Variants in PLCB4 observed in about 807,000 individuals in gnomAD.
PLCB4 encodes the protein 1-phosphatidylinositol 4,5-bisphosphate phosphodiesterase beta-4.
PLCB4 carries 77 observed loss-of-function variants against 178.8 expected under a neutral mutation model. The observed-to-expected ratio is 0.43, with a 90% CI of 0.36 to 0.52. PLCB4 has a LOEUF of 0.52. Ranked by LOEUF, PLCB4 falls within the 20% of genes least tolerant of loss-of-function variation. PLCB4 has a pLI of 0.00. For synonymous variants in PLCB4, 496 were observed against 490.8 expected (o/e 1.01, Z -0.14); for missense variants, 1,024 against 1,453.4 (o/e 0.70, Z 4.80).
rs199843016 is a variant in PLCB4, at chr20:9,405,331, C to A, written c.1630C>A (p.His544Asn). 3.0e-4 allele frequency: 466 copies of A among 1,546,430 alleles called. No individual in the cohort carries two copies. Among genetic ancestry groups the A allele is most frequent in the Non-Finnish European group, 3.9e-4 (440 of 1,137,518 alleles). The change falls in exon 21 of 40, where the codon CAT becomes AAT. Residue 544 changes from histidine to asparagine, a missense_variant. Around this residue, in one of 7 missense-constraint regions of PLCB4, gnomAD observed 263 missense variants for 417.4 expected, o/e 0.63. Coordinates refer to ENST00000378473, the MANE Select transcript of PLCB4 (RefSeq NM_001377142.1). ...TAATTAGGCTTCAGATGACCTTGAA[C>A]ATGAAAACAACAAAAAGGTAACAAA... ...SVKKASDDLE[H>N]ENNKKGLVTV...
intron 20 of PLCB4, 115 bp downstream of exon 20, chr20:9,401,705 G>T (rs2039041904): frequency 5.8e-6 from 4 of 693,000 alleles, no homozygotes; most frequent in Non-Finnish European, 1.0e-5. Context: ...CTTCTAAATT[G>T]CTTAGGATAC....
intron 2 of PLCB4, among the ~76,000 whole-genome samples, chr20:9,183,057 T>G (rs2093272752): frequency 6.6e-6 from 1 of 152,130 alleles, no homozygotes; most frequent in Non-Finnish European, 1.5e-5. Context: ...TGTCTGTGTC[T>G]ATTAAACTAC....
intron 2 of PLCB4, among the ~76,000 whole-genome samples, chr20:9,192,937 T>C (rs1296832626): frequency 6.6e-6 from 1 of 152,204 alleles, no homozygotes; most frequent in Non-Finnish European, 1.5e-5. Context: ...CCTATGCAGA[T>C]CTCAGGCCCC....
intron 1 of PLCB4, among the ~76,000 whole-genome samples, chr20:9,093,025 T>G (rs763906006): frequency 6.6e-6 from 1 of 152,160 alleles, no homozygotes; most frequent in Non-Finnish European, 1.5e-5. Context: ...TTTTGTCACA[T>G]CTACTAGCTT....
At position 9,241,751 on chromosome 20, in the gene PLCB4, A is replaced by G. The variant is rs192705094; in HGVS notation, c.-16+24299A>G. On this transcript the variant is annotated intron_variant, in intron 3 of 39. Transcript: ENST00000378473. Reference sequence around the variant, plus strand: ...TAGAATCAGAGAATGGAGCTGAAGCATGACCAGAATGTCAGCATAATCAAC... The same window carrying G: ...TAGAATCAGAGAATGGAGCTGAAGCGTGACCAGAATGTCAGCATAATCAAC... Among the ~76,000 whole-genome samples, 741 of 152,348 alleles carry G rather than the reference A, an allele frequency of 4.9e-3. 4 individuals are homozygous for G. The highest frequency in any genetic ancestry group is 0.017 in the Middle Eastern group (5 of 294).
chr20:9,146,044 G>A (rs1350904317), intron 2 of PLCB4, among the ~76,000 whole-genome samples: 1 of 152,080 alleles, frequency 6.6e-6, no homozygotes, highest in Non-Finnish European at 1.5e-5. Flanking sequence ...TAAAGTTCTT[G>A]CAAATTTGGA....
chr20:9,116,226 A>G (rs1214641211), intron 2 of PLCB4, among the ~76,000 whole-genome samples: 2 of 151,914 alleles, frequency 1.3e-5, no homozygotes, highest in South Asian at 2.1e-4. Context: ...GCCCAGTTCA[A>G]TTCCCCTCAC....
Position 9,437,067 on chromosome 20 carries a change from C to G in PLCB4, c.2679C>G (p.Ala893=). The change falls in exon 30 of 40, where the codon GCC becomes GCG. Residue 893 remains alanine, a synonymous_variant. Coordinates refer to ENST00000378473, the MANE Select transcript of PLCB4 (RefSeq NM_001377142.1). ...KNDKKGKANT[A]KANVTPQSSS... is the part of the protein sequence containing the mutation. ...ACAAGAAAGGAAAGGCCAACACCGC[C>G]AAAGCAAATGTGACCCCTCAGAGTA... The G allele has an allele frequency of 1.2e-6, 2 of 1,614,016 alleles. No individual in the cohort carries two copies. Among genetic ancestry groups the G allele is most frequent in the Non-Finnish European group, 1.7e-6 (2 of 1,179,918 alleles).
intron 2 of PLCB4, among the ~76,000 whole-genome samples, chr20:9,136,989 A>G (rs929024487): frequency 2.0e-5 from 3 of 152,038 alleles, no homozygotes; most frequent in African/African-American, 4.8e-5. Flanking sequence ...CTGTGAGGTC[A>G]GTTGCTTAAG....
chr20:9,199,553 C>G (rs2093516372), intron 2 of PLCB4, among the ~76,000 whole-genome samples: 2 of 152,320 alleles, frequency 1.3e-5, no homozygotes, highest in African/African-American at 4.8e-5. Flanking sequence ...GGTGGGGACA[C>G]TGAAATCTAG....
chr20:9,396,143 T>C (rs983645358), intron 19 of PLCB4, among the ~76,000 whole-genome samples: 2 of 152,206 alleles, frequency 1.3e-5, no homozygotes, highest in East Asian at 1.9e-4. Context: ...TCCCTTCCTA[T>C]TGGCCATTCA....
At chr20:9,270,254 A>T (rs141136077) in intron 3 of PLCB4, among the ~76,000 whole-genome samples, 1 of 152,278 alleles carries the variant, frequency 6.6e-6, no homozygotes, top group East Asian at 1.9e-4. Context: ...AAATTCATTG[A>T]ATCATGTTAT....
chr20:9,323,757 GCC>G (rs2029879696), intron 4 of PLCB4, among the ~76,000 whole-genome samples: 1 of 152,114 alleles, frequency 6.6e-6, no homozygotes. Context: ...AAATGTCCCT[GCC>G]CAGGCTGTAC....
chr20:9,095,820 C>G (rs2090889801), intron 1 of PLCB4, among the ~76,000 whole-genome samples: 4 of 152,220 alleles, frequency 2.6e-5, no homozygotes, highest in Admixed American at 2.6e-4. Context: ...AAAGAGGTAG[C>G]AGCTCATAGT....
At chr20:9,467,529 T>C (rs2043878247) in intron 35 of PLCB4, among the ~76,000 whole-genome samples, 1 of 152,250 alleles carries the variant, frequency 6.6e-6, no homozygotes, top group African/African-American at 2.4e-5. Flanking sequence ...TTGTGTTTCT[T>C]CCTCATGATC....
intron 35 of PLCB4, among the ~76,000 whole-genome samples, chr20:9,461,450 G>T (rs1482084034): frequency 6.6e-6 from 1 of 152,178 alleles, no homozygotes; most frequent in East Asian, 1.9e-4. Context: ...AAGCAGGGTG[G>T]GGTGTCACCT....
chr20:9,116,101 C>T (rs1003403646), intron 2 of PLCB4, among the ~76,000 whole-genome samples: 2 of 151,730 alleles, frequency 1.3e-5, no homozygotes, highest in Non-Finnish European at 2.9e-5. Context: ...TATTATTCTT[C>T]ACTTATAAAA....
At chr20:9,126,926 G>A (rs1161632680) in intron 2 of PLCB4, among the ~76,000 whole-genome samples, 1 of 152,056 alleles carries the variant, frequency 6.6e-6, no homozygotes, top group East Asian at 1.9e-4. Context: ...CTACTTTGCT[G>A]TCACTTTCCA....
At chr20:9,342,196 T>G (rs968853104) in intron 7 of PLCB4, among the ~76,000 whole-genome samples, 2 of 152,212 alleles carry the variant, frequency 1.3e-5, no homozygotes, top group African/African-American at 4.8e-5. Flanking sequence ...TCTATATGTG[T>G]TTCTATTCCT....
Sources: allele counts gnomAD v4.1 joint callset (sites outside exome capture counted in the v4.1 genomes callset), GRCh38; gene constraint gnomAD v4.1.1; regional missense constraint gnomAD v4.1.1; transcripts MANE v1.5; gene names NCBI Gene and HGNC (gene_info 2026-07-23, HGNC 2026-07-21).